CPS1: variants seen among roughly 807,000 people sequenced by gnomAD.
CPS1 encodes carbamoyl-phosphate synthase 1, also known as carbamoyl-phosphate synthase [ammonia], mitochondrial.
CPS1 carries 109 observed loss-of-function variants against 174.6 expected under a neutral mutation model. The ratio of observed to expected loss-of-function variants is 0.62; its 90% CI spans 0.53 to 0.73. CPS1 has a LOEUF of 0.73. Ranked by LOEUF, CPS1 falls within the 30% of genes least tolerant of loss-of-function variation. CPS1 has a pLI of 0.00. For synonymous variants in CPS1, 637 were observed against 632.0 expected (o/e 1.01, Z -0.12); for missense variants, 1,689 against 1,821.9 (o/e 0.93, Z 1.33).
intron 1 of CPS1, among the ~76,000 whole-genome samples, chr2:210,564,185 T>C (rs1363292484): frequency 6.6e-6 from 1 of 152,148 alleles, no homozygotes; most frequent in Non-Finnish European, 1.5e-5. Context: ...GAAATATTGT[T>C]TGACAATGGT....
At chr2:210,518,231 G>C (rs1559058731) in intron 1 of CPS1, among the ~76,000 whole-genome samples, 1 of 151,952 alleles carries the variant, frequency 6.6e-6, no homozygotes, top group Non-Finnish European at 1.5e-5. Flanking sequence ...TGATGATGCT[G>C]TTACTGCCAC....
intron 1 of CPS1, among the ~76,000 whole-genome samples, chr2:210,520,181 T>C (rs1695784549): frequency 1.3e-5 from 2 of 152,052 alleles, no homozygotes; most frequent in South Asian, 4.1e-4. Context: ...TAATGTATAA[T>C]TGACATCCAA....
intron 1 of CPS1, among the ~76,000 whole-genome samples, chr2:210,549,640 C>G (rs1039949192): frequency 2.6e-5 from 4 of 151,898 alleles, no homozygotes; most frequent in African/African-American, 9.7e-5. Context: ...TTAAATAACT[C>G]AAGAATAATG....
intron 4 of CPS1, among the ~76,000 whole-genome samples, chr2:210,578,357 G>A (rs1175995747): frequency 3.3e-5 from 5 of 152,070 alleles, no homozygotes; most frequent in Non-Finnish European, 5.9e-5. Flanking sequence ...TGATCCACCC[G>A]ACTCAGCCTC....
At chr2:210,477,805 T>C (rs1694436703) in intron 1 of CPS1, 1 of 1,611,650 alleles carries the variant, frequency 6.2e-7, no homozygotes, top group African/African-American at 1.3e-5. Context: ...TTTTAAAAGA[T>C]GGGTGTTTGA....
chr2:210,649,381 G>T (rs1423388851), intron 27 of CPS1, among the ~76,000 whole-genome samples: 1 of 151,782 alleles, frequency 6.6e-6, no homozygotes, highest in Non-Finnish European at 1.5e-5. Context: ...TTCCTTTTTT[G>T]CAATCTATAT....
At chr2:210,557,284 T>C (rs1252621471) in intron 1 of CPS1, among the ~76,000 whole-genome samples, 1 of 152,132 alleles carries the variant, frequency 6.6e-6, no homozygotes, top group Non-Finnish European at 1.5e-5. Flanking sequence ...AAGTTCTCTT[T>C]TGAAATATCA....
In CPS1 at chr2:210,616,498, C is replaced by T. The variant is rs148519116; in HGVS notation, c.2644C>T (p.Arg882Cys). 8 of 1,611,446 alleles carry T rather than the reference C, an allele frequency of 5.0e-6. No individual in the cohort carries two copies. Among genetic ancestry groups the T allele is most frequent in the African/African-American group, 4.0e-5 (3 of 74,760 alleles). The change falls in exon 21 of 38, where the codon CGT (arginine) becomes TGT (cysteine). Residue 882 changes from arginine (R) to cysteine (C), a missense_variant. Arg to Cys is a radical substitution (Grantham distance 180). Coordinates refer to ENST00000233072, the MANE Select transcript of CPS1 (RefSeq NM_001875.5). ...TGACAAGTGGTTTTTGTATAAGATG[C>T]GTGATATTTTAAACATGGAAAAGAC... is the stretch of plus-strand genomic sequence containing the variant. ...YIDKWFLYKM[R>C]DILNMEKTLK...
At chr2:210,538,007 T>C (rs571046657) in intron 1 of CPS1, among the ~76,000 whole-genome samples, 5 of 152,218 alleles carry the variant, frequency 3.3e-5, no homozygotes, top group Non-Finnish European at 7.3e-5. Context: ...TTTCTGGTAA[T>C]TAGCAATGGA....
chr2:210,657,201 A>G (rs1324241688), intron 30 of CPS1, among the ~76,000 whole-genome samples: 1 of 152,052 alleles, frequency 6.6e-6, no homozygotes, highest in African/African-American at 2.4e-5. Flanking sequence ...GCACTTTTTG[A>G]TATCTCTTTT....
intron 1 of CPS1, among the ~76,000 whole-genome samples, chr2:210,557,453 T>G (rs1045596705): frequency 9.2e-5 from 14 of 152,040 alleles, no homozygotes; most frequent in Non-Finnish European, 1.8e-4. Context: ...TAGAGGCAGA[T>G]AGCAGCTGAT....
chr2:210,549,455 A>C (rs1366862319), intron 1 of CPS1, among the ~76,000 whole-genome samples: 1 of 152,028 alleles, frequency 6.6e-6, no homozygotes, highest in Non-Finnish European at 1.5e-5. Context: ...GCATATTTAG[A>C]CCAAGTTATA....
intron 15 of CPS1, among the ~76,000 whole-genome samples, 169 bp from the exon 16 acceptor site, chr2:210,602,033 T>G (rs1007205980): frequency 2.6e-5 from 4 of 151,832 alleles, no homozygotes; most frequent in Non-Finnish European, 5.9e-5. Flanking sequence ...TACTTAACAT[T>G]TGAGTAACAA....
chr2:210,561,381 C>G (rs549344862), intron 1 of CPS1, among the ~76,000 whole-genome samples: 3 of 152,296 alleles, frequency 2.0e-5, no homozygotes, highest in African/African-American at 7.2e-5. Flanking sequence ...CTAATCTTGA[C>G]CTGTGCTTTC....
At chr2:210,586,680 A>G (rs1355622509) in intron 6 of CPS1, among the ~76,000 whole-genome samples, 1 of 152,092 alleles carries the variant, frequency 6.6e-6, no homozygotes, top group Non-Finnish European at 1.5e-5. Flanking sequence ...GTGTTTGTGT[A>G]GAGACCAGCA....
chr2:210,671,358 A>G, intron 34 of CPS1, among the ~76,000 whole-genome samples: 1 of 152,228 alleles, frequency 6.6e-6, no homozygotes, highest in East Asian at 1.9e-4. Context: ...AGAGTTGTCA[A>G]TCCAGAGGTC....
At chr2:210,496,769 G>A (rs965987412) in intron 1 of CPS1, among the ~76,000 whole-genome samples, 1 of 152,078 alleles carries the variant, frequency 6.6e-6, no homozygotes, top group African/African-American at 2.4e-5. Flanking sequence ...TGCTTGAGAC[G>A]TTTGTCCCAC....
At chr2:210,648,422 T>C (rs1430721840) in intron 26 of CPS1, 51 bp from the exon 27 acceptor site, 1 of 1,426,652 alleles carries the variant, frequency 7.0e-7, no homozygotes, top group Admixed American at 1.7e-5. Flanking sequence ...TGTAATTTTA[T>C]TGCATATTTT....
At chr2:210,536,916 G>T (rs1034290573) in intron 1 of CPS1, among the ~76,000 whole-genome samples, 5 of 152,166 alleles carry the variant, frequency 3.3e-5, no homozygotes, top group African/African-American at 1.2e-4. Context: ...TGAAAAGAAA[G>T]AAGCCTATGT....
Sources: gnomAD v4.1 joint callset for allele counts (sites outside exome capture counted in the v4.1 genomes callset) on GRCh38, gnomAD v4.1.1 for gene constraint, MANE v1.5 for transcripts, NCBI Gene and HGNC (gene_info 2026-07-23, HGNC 2026-07-21) for gene names.